DGKB: variants seen among roughly 807,000 people sequenced by gnomAD.
DGKB encodes the protein diacylglycerol kinase beta.
In DGKB, 67 loss-of-function variants were observed where a neutral mutation model predicts 114.3. The ratio of observed to expected loss-of-function variants is 0.59; its 90% CI spans 0.48 to 0.72. The LOEUF (loss-of-function observed/expected upper bound fraction) is 0.72. DGKB is among the 30% of genes least tolerant of loss of function. The pLI is 0.00. For missense variants in DGKB, 907 were observed against 975.2 expected (o/e 0.93, Z 0.93); for synonymous variants, 398 against 323.1 (o/e 1.23, Z -2.49).
At chr7:14,246,623 G>A (rs1410071711) in intron 23 of DGKB, among the ~76,000 whole-genome samples, 2 of 152,062 alleles carry the variant, frequency 1.3e-5, no homozygotes, top group African/African-American at 2.4e-5. Context: ...GAAACTTTGG[G>A]TAACTTTAGC....
At chr7:14,193,176 G>A (rs1173008151) in intron 23 of DGKB, among the ~76,000 whole-genome samples, 22 of 142,902 alleles carry the variant, frequency 1.5e-4, no homozygotes, top group East Asian at 4.1e-4. Context: ...CAGAGAAATA[G>A]AAAAAAAAAA....
At chr7:14,654,360 C>T (rs965170658) in intron 13 of DGKB, among the ~76,000 whole-genome samples, 50 of 151,938 alleles carry the variant, frequency 3.3e-4, no homozygotes, top group African/African-American at 1.2e-3. Flanking sequence ...ACAATTAAAA[C>T]TGCAAAACAC....
intron 2 of DGKB, among the ~76,000 whole-genome samples, chr7:14,764,903 T>C (rs1485624717): frequency 6.6e-6 from 1 of 151,750 alleles, no homozygotes; most frequent in Non-Finnish European, 1.5e-5. Context: ...CCAGATGATA[T>C]AAAAGAAGTT....
intron 6 of DGKB, among the ~76,000 whole-genome samples, chr7:14,712,300 T>C (rs1827493128): frequency 2.0e-5 from 3 of 152,126 alleles, no homozygotes; most frequent in Non-Finnish European, 2.9e-5. Flanking sequence ...ATATTGGTTC[T>C]AGAAAGAGAA....
At chr7:14,633,221 G>T (rs2128854264) in intron 13 of DGKB, among the ~76,000 whole-genome samples, 1 of 151,900 alleles carries the variant, frequency 6.6e-6, no homozygotes, top group Middle Eastern at 3.4e-3. Flanking sequence ...TGAAACAGAG[G>T]TTTGTCACTT....
intron 1 of DGKB, among the ~76,000 whole-genome samples, chr7:14,956,857 T>A (rs1786533496): frequency 6.6e-6 from 1 of 151,872 alleles, no homozygotes; most frequent in South Asian, 2.1e-4. Context: ...CGTTTCAATT[T>A]TTTTTTTTAA....
chr7:14,892,862 A>ATCTG (rs200803365), intron 1 of DGKB, among the ~76,000 whole-genome samples: 1 of 76,230 alleles, frequency 1.3e-5, no homozygotes, highest in Non-Finnish European at 2.4e-5. Flanking sequence ...CCATATATAT[A>ATCTG]TATGTGTGTG....
At chr7:14,243,294 C>A (rs1398768565) in intron 23 of DGKB, among the ~76,000 whole-genome samples, 1 of 152,096 alleles carries the variant, frequency 6.6e-6, no homozygotes, top group African/African-American at 2.4e-5. Context: ...AGTGGTGACT[C>A]TGGAGTCTAG....
chr7:14,658,701 T>C (rs1208423539), intron 13 of DGKB, among the ~76,000 whole-genome samples: 1 of 151,794 alleles, frequency 6.6e-6, no homozygotes, highest in Non-Finnish European at 1.5e-5. Flanking sequence ...AAATATTATA[T>C]ATCAATACAG....
chr7:14,365,332 C>T (rs1816486011), intron 21 of DGKB, among the ~76,000 whole-genome samples: 1 of 151,964 alleles, frequency 6.6e-6, no homozygotes, highest in African/African-American at 2.4e-5. Context: ...GTACCTATAT[C>T]TTCTAAGAGT....
chr7:14,244,642 C>T (rs1794184017), intron 23 of DGKB, among the ~76,000 whole-genome samples: 1 of 140,068 alleles, frequency 7.1e-6, no homozygotes, highest in Non-Finnish European at 1.5e-5. Flanking sequence ...TGCAATCCAG[C>T]CTGGGTGACA....
intron 10 of DGKB, among the ~76,000 whole-genome samples, chr7:14,684,537 T>G (rs1048946031): frequency 1.3e-5 from 2 of 152,174 alleles, no homozygotes; most frequent in African/African-American, 4.8e-5. Flanking sequence ...AGATTTAAAA[T>G]TACTTAGGTG....
intron 21 of DGKB, among the ~76,000 whole-genome samples, chr7:14,346,615 T>G (rs1266100464): frequency 6.6e-6 from 1 of 151,936 alleles, no homozygotes; most frequent in Non-Finnish European, 1.5e-5. Context: ...ATTTCATATA[T>G]GTGAGCAGAT....
At chr7:14,336,967 C>T (rs1810788651) in intron 23 of DGKB, among the ~76,000 whole-genome samples, 1 of 152,004 alleles carries the variant, frequency 6.6e-6, no homozygotes, top group African/African-American at 2.4e-5. Context: ...GAAAACTTAA[C>T]CTGGAAATTA....
At chr7:14,491,100 G>A (rs570157769) in intron 20 of DGKB, among the ~76,000 whole-genome samples, 3 of 151,968 alleles carry the variant, frequency 2.0e-5, no homozygotes, top group African/African-American at 7.2e-5. Context: ...ATGACTCATG[G>A]TGCTACTTCC....
At chr7:14,769,224 GAGAGAGAAAGAA>G (rs1269051749) in intron 2 of DGKB, among the ~76,000 whole-genome samples, 6 of 102,960 alleles carry the variant, frequency 5.8e-5, no homozygotes, top group Admixed American at 1.0e-4. Context: ...AAGAGAAAGA[GAGAGAGAAAGAA>G]AGAAAGAAAG....
intron 23 of DGKB, among the ~76,000 whole-genome samples, chr7:14,215,645 C>T (rs1325229629): frequency 6.6e-6 from 1 of 151,934 alleles, no homozygotes; most frequent in African/African-American, 2.4e-5. Context: ...ATGAGGAAAC[C>T]GAGACACAGA....
chr7:14,594,107 T>A (rs1186467063), intron 17 of DGKB, among the ~76,000 whole-genome samples: 1 of 152,098 alleles, frequency 6.6e-6, no homozygotes, highest in East Asian at 1.9e-4. Context: ...ATCTTTAAAC[T>A]AACTTTGTTG....
At chr7:14,901,960 G>C (rs1783155683) in intron 1 of DGKB, among the ~76,000 whole-genome samples, 1 of 152,132 alleles carries the variant, frequency 6.6e-6, no homozygotes, top group African/African-American at 2.4e-5. Context: ...GAAAGAGACT[G>C]TTCAGCAAGT....
Sources: allele counts gnomAD v4.1 joint callset (sites outside exome capture counted in the v4.1 genomes callset), GRCh38; gene constraint gnomAD v4.1.1; transcripts MANE v1.5; gene names NCBI Gene and HGNC (gene_info 2026-07-23, HGNC 2026-07-21).